The following EVI5L variants were observed in gnomAD, a reference collection of about 807,000 sequenced individuals.
EVI5L encodes the protein ecotropic viral integration site 5 like, also known as EVI5-like protein.
In EVI5L, 30 loss-of-function variants were observed where a neutral mutation model predicts 106.1. The observed-to-expected ratio is 0.28, with a 90% CI of 0.21 to 0.38. The LOEUF (loss-of-function observed/expected upper bound fraction) is 0.38, where lower values mean the gene tolerates loss of function less well. Among genes scored for constraint, EVI5L ranks in the 10% least tolerant of loss-of-function variants. EVI5L has a pLI of 1.00. For synonymous variants in EVI5L, 489 were observed against 483.3 expected, an observed-to-expected ratio of 1.01 and a Z score of -0.15; for missense variants, 809 against 1,098.0, an observed-to-expected ratio of 0.74 and a Z score of 3.72.
rs192577556 is a variant in EVI5L, at chr19:7,835,712, G to A, written c.-48+5331G>A. Among the ~76,000 whole-genome samples the A allele has an allele frequency of 3.3e-5, 5 of 152,270 alleles. No homozygotes were observed. In the East Asian group the frequency reaches 9.6e-4, roughly 29 times the overall value. On this transcript the variant is annotated intron_variant, in intron 1 of 19. Transcript: ENST00000538904. This position sits in a 1 kb window ranked among gnomAD's most constrained non-coding sequence, Gnocchi z 4.1. The stretch of plus-strand genomic sequence containing the variant: ...ATCAGGCAGGGACCTCTGAATTCAA[G>A]CCGCTGTTCTTGTTATCCAAGGGGC...
At chr19:7,842,401 AGT>A (rs147538933) in intron 1 of EVI5L, among the ~76,000 whole-genome samples, 31,333 of 72,612 alleles carry the variant, frequency 0.43, 3,942 homozygotes, top group South Asian at 0.54. Context: ...TGAGAATGTG[AGT>A]GTGTGTGTAT....
Position 7,858,660 on chromosome 19 carries a change from C to G in EVI5L, c.1374+329C>G. 2.9e-6 allele frequency: 1 copy of G among 348,316 alleles called. No homozygotes were observed. Among genetic ancestry groups the G allele is most frequent in the Non-Finnish European group, 5.3e-6 (1 of 189,678 alleles). The allele number at this position is 348,316 out of a possible 1,614,324, so 21.6% of individuals were successfully genotyped here. A position where few individuals can be genotyped will look rare whatever the true frequency, so the allele number is the denominator to read the frequency against. ...TCACAGGCAGCAGACAGGGCTGTGACTCCTTACGGAGGCTCTTGCCTGTCC... is the reference window on the plus strand; with the variant it reads ...TCACAGGCAGCAGACAGGGCTGTGAGTCCTTACGGAGGCTCTTGCCTGTCC... On this transcript the variant is annotated intron_variant, in intron 13 of 19. Coordinates refer to ENST00000538904, the MANE Select transcript of EVI5L (RefSeq NM_001159944.3). The surrounding 1 kb of genome is among the most constrained non-coding windows in gnomAD (Gnocchi z 5.7).
chr19:7,849,354 G>T (rs1268011477), intron 5 of EVI5L, 24 bp downstream of exon 5: 1 of 1,612,762 alleles, frequency 6.2e-7, no homozygotes. Context: ...GGGTGGCTGG[G>T]CTCCTGCCAG....
intron 14 of EVI5L, among the ~76,000 whole-genome samples, chr19:7,861,621 G>A (rs1979801900): frequency 6.6e-6 from 1 of 152,182 alleles, no homozygotes; most frequent in African/African-American, 2.4e-5. Flanking sequence ...TGTGTGCAGC[G>A]CGGCGTTTAT....
Position 7,858,120 on chromosome 19 carries a change from C to G in EVI5L, c.1234-71C>G. On this transcript the variant is annotated intron_variant, in intron 12 of 19. Coordinates refer to ENST00000538904, the MANE Select transcript of EVI5L (RefSeq NM_001159944.3). The surrounding 1 kb of genome is among the most constrained non-coding windows in gnomAD (Gnocchi z 5.7). ...CCACTCTCTGGGCCTCCCCCTGTGG[C>G]GGGAGGCAGGGCCTTGGGTGGGAGC... 2 of 1,507,834 alleles carry G rather than the reference C, an allele frequency of 1.3e-6. No homozygotes were observed. Among genetic ancestry groups the G allele is most frequent in the Non-Finnish European group, 8.9e-7 (1 of 1,122,300 alleles). 93.4% of individuals were successfully genotyped at this position (1,507,834 alleles called of 1,614,324 possible).
chr19:7,853,017 G>A lies in EVI5L; in HGVS notation c.988-69G>A, dbSNP rs1864728923. 1.9e-6 allele frequency: 3 copies of A among 1,548,556 alleles called. No homozygotes were observed. In the Admixed American group the frequency reaches 5.0e-5, roughly 26 times the overall value. ...GTTCCTGCCCCCCTCCAGGGCAACA[G>A]GGCTCGGGCGGCCCCCGGTGGTCAG... On this transcript the variant is annotated intron_variant, in intron 8 of 19. Coordinates refer to ENST00000538904, the MANE Select transcript of EVI5L (RefSeq NM_001159944.3).
In EVI5L at chr19:7,835,172, A is replaced by T. The variant is rs186319041; in HGVS notation, c.-48+4791A>T. Among the ~76,000 whole-genome samples the T allele has an allele frequency of 5.1e-4, 78 of 151,894 alleles. No individual in the cohort carries two copies. Among genetic ancestry groups the T allele is most frequent in the Non-Finnish European group, 9.0e-4 (61 of 67,968 alleles). Reference sequence around the variant, plus strand: ...ATAAAAATAAAAATAAACAAAAAAAATTGAGGCAAAATACATCATACCCAA... The same window carrying T: ...ATAAAAATAAAAATAAACAAAAAAATTTGAGGCAAAATACATCATACCCAA... On this transcript the variant is annotated intron_variant, in intron 1 of 19. Coordinates refer to ENST00000538904, the MANE Select transcript of EVI5L (RefSeq NM_001159944.3). This position sits in a 1 kb window ranked among gnomAD's most constrained non-coding sequence, Gnocchi z 4.1.
chr19:7,851,427 C>A lies in EVI5L; in HGVS notation c.754-7C>A. The A allele has an allele frequency of 6.2e-7, 1 of 1,608,406 alleles. No homozygotes were observed. The highest frequency in any genetic ancestry group is 8.5e-7 in the Non-Finnish European group (1 of 1,177,294). On this transcript the variant is annotated splice_polypyrimidine_tract_variant and splice_region_variant and intron_variant, in intron 6 of 19. Coordinates refer to ENST00000538904, the MANE Select transcript of EVI5L (RefSeq NM_001159944.3). ...CACTGTGCCCACCCGGCCTCCCACC[C>A]CTGCAGGAGCAGCTCCCAGACCTCA...
intron 2 of EVI5L, 121 bp from the exon 3 acceptor site, chr19:7,847,609 CAA>C: frequency 2.1e-6 from 2 of 933,124 alleles, no homozygotes; most frequent in Non-Finnish European, 3.2e-6. Flanking sequence ...AAAAAAAGAA[CAA>C]GAGGGACCTA....
In EVI5L at chr19:7,863,097, G is replaced by A. The variant is rs1979928750; in HGVS notation, c.2043+30G>A. ...TCGGCGGGGCCGGGGTCGGGGGGCG[G>A]GGGCGGGGGCAGGGCCCGGGGCAGG... On this transcript the variant is annotated intron_variant, in intron 18 of 19. Coordinates refer to ENST00000538904, the MANE Select transcript of EVI5L (RefSeq NM_001159944.3). This position sits in a 1 kb window ranked among gnomAD's most constrained non-coding sequence, Gnocchi z 7.7. 3 of 724,656 alleles carry A rather than the reference G, an allele frequency of 4.1e-6. No individual in the cohort carries two copies. The highest frequency in any genetic ancestry group is 7.3e-6 in the Non-Finnish European group (3 of 410,610). 44.9% of individuals were successfully genotyped at this position (724,656 alleles called of 1,614,324 possible). A position where few individuals can be genotyped will look rare whatever the true frequency, so the allele number is the denominator to read the frequency against.
intron 4 of EVI5L, 31 bp from the exon 5 acceptor site, chr19:7,849,225 G>A (rs1979114962): frequency 1.9e-6 from 3 of 1,613,902 alleles, no homozygotes; most frequent in African/African-American, 1.3e-5. Flanking sequence ...TGGACGGCGG[G>A]ACCCTGCTCT....
intron 1 of EVI5L, among the ~76,000 whole-genome samples, chr19:7,843,724 A>G (rs1599565241): frequency 1.3e-5 from 2 of 151,790 alleles, no homozygotes; most frequent in African/African-American, 4.8e-5. Context: ...AAGTGTTTGC[A>G]TGTGTATGTG....
In EVI5L at chr19:7,845,664, C is replaced by T. The variant is rs1978918838; in HGVS notation, c.-47-832C>T. On this transcript the variant is annotated intron_variant, in intron 1 of 19. Coordinates refer to ENST00000538904, the MANE Select transcript of EVI5L (RefSeq NM_001159944.3). This position sits in a 1 kb window ranked among gnomAD's most constrained non-coding sequence, Gnocchi z 4.0. ...CTTCAGACGCAGATCCATTTGAGCCCAGTACCTTTGTTTTTGACATGGCAT... is the reference window on the plus strand; with the variant it reads ...CTTCAGACGCAGATCCATTTGAGCCTAGTACCTTTGTTTTTGACATGGCAT... Among the ~76,000 whole-genome samples, 2 of 152,234 alleles carry T rather than the reference C, an allele frequency of 1.3e-5. No homozygotes were observed. Among genetic ancestry groups the T allele is most frequent in the South Asian group, 4.1e-4 (2 of 4,832 alleles).
In EVI5L at chr19:7,857,349, G is replaced by T; in HGVS notation, c.1233+225G>T. On this transcript the variant is annotated intron_variant, in intron 12 of 19. Transcript: ENST00000538904. The surrounding 1 kb of genome is among the most constrained non-coding windows in gnomAD (Gnocchi z 4.5). Reference sequence around the variant, plus strand: ...TGTGGAGGGGCTGTGAGTGCGTTTGGGTGTGAATGTCCACATGCATGTACA... The same window carrying T: ...TGTGGAGGGGCTGTGAGTGCGTTTGTGTGTGAATGTCCACATGCATGTACA... 2 of 624,412 alleles carry T rather than the reference G, an allele frequency of 3.2e-6. No individual in the cohort carries two copies. Among genetic ancestry groups the T allele is most frequent in the Admixed American group, 5.4e-5 (2 of 37,130 alleles). The allele number at this position is 624,412 out of a possible 1,614,324, so 38.7% of individuals were successfully genotyped here. A position where few individuals can be genotyped will look rare whatever the true frequency, so the allele number is the denominator to read the frequency against.
chr19:7,862,736 GACCACCCCCCCCCGCGGTCCCGC>G (rs1979892302), intron 17 of EVI5L, among the ~76,000 whole-genome samples: 1 of 47,946 alleles, frequency 2.1e-5, no homozygotes, highest in African/African-American at 7.1e-5. Context: ...CCCGCCTCCT[GACCACCCCCCCCCGCGGTCCCGC>G]CTCCTGATCC....
chr19:7,864,030 C>A lies in EVI5L; in HGVS notation c.*328C>A. 3.2e-6 allele frequency: 1 copy of A among 312,474 alleles called. No homozygotes were observed. Among genetic ancestry groups the A allele is most frequent in the Non-Finnish European group, 5.9e-6 (1 of 170,868 alleles). The allele number at this position is 312,474 out of a possible 1,614,324, so 19.4% of individuals were successfully genotyped here. A position where few individuals can be genotyped will look rare whatever the true frequency, so the allele number is the denominator to read the frequency against. On this transcript the variant is annotated 3_prime_UTR_variant, in exon 20 of 20. Transcript: ENST00000538904. The surrounding 1 kb of genome is among the most constrained non-coding windows in gnomAD (Gnocchi z 4.5). Reference sequence around the variant, plus strand: ...GGCAGGGGACAGACGACCCAGAGGTCCCAGCACTGAATGAGCAGGCAGCTC... The same window carrying A: ...GGCAGGGGACAGACGACCCAGAGGTACCAGCACTGAATGAGCAGGCAGCTC...
At position 7,845,218 on chromosome 19, in the gene EVI5L, G is replaced by T. The variant is rs757883548; in HGVS notation, c.-47-1278G>T. Among the ~76,000 whole-genome samples, 1 of 152,120 alleles carries T rather than the reference G, an allele frequency of 6.6e-6. No homozygotes were observed. Among genetic ancestry groups the T allele is most frequent in the African/African-American group, 2.4e-5 (1 of 41,412 alleles). The stretch of plus-strand genomic sequence containing the variant: ...GCATGAGGAGCCGTGCAAATAAGGA[G>T]GCAGGAGGCAGGGTTTCCTTCCTGC... On this transcript the variant is annotated intron_variant, in intron 1 of 19. Transcript: ENST00000538904. The surrounding 1 kb of genome is among the most constrained non-coding windows in gnomAD (Gnocchi z 4.0).
Position 7,863,874 on chromosome 19 carries a change from C to A in EVI5L, c.*172C>A. 1.2e-6 allele frequency: 1 copy of A among 868,220 alleles called. No homozygotes were observed. The highest frequency in any genetic ancestry group is 1.7e-6 in the Non-Finnish European group (1 of 605,990). The allele number at this position is 868,220 out of a possible 1,614,324, so 53.8% of individuals were successfully genotyped here. A position where few individuals can be genotyped will look rare whatever the true frequency, so the allele number is the denominator to read the frequency against. On this transcript the variant is annotated 3_prime_UTR_variant, in exon 20 of 20. Coordinates refer to ENST00000538904, the MANE Select transcript of EVI5L (RefSeq NM_001159944.3). The surrounding 1 kb of genome is among the most constrained non-coding windows in gnomAD (Gnocchi z 7.7). ...CGCAGAGGGTAGGGTCCGACCTGGGCTCCTCAGGGCCCCGGGGCAGGCTCT... is the reference window on the plus strand; with the variant it reads ...CGCAGAGGGTAGGGTCCGACCTGGGATCCTCAGGGCCCCGGGGCAGGCTCT...
Position 7,856,939 on chromosome 19 carries a change from C to T in EVI5L, c.1201-153C>T. The T allele has an allele frequency of 1.2e-6, 1 of 806,666 alleles. No individual in the cohort carries two copies. The highest frequency in any genetic ancestry group is 2.1e-6 in the Non-Finnish European group (1 of 476,936). 50.0% of individuals were successfully genotyped at this position (806,666 alleles called of 1,614,324 possible). A position where few individuals can be genotyped will look rare whatever the true frequency, so the allele number is the denominator to read the frequency against. Reference sequence around the variant, plus strand: ...TGGTCTTCCTCCGGGTCCTCTCCTGCTGGTTCTCTGGTCTTCCCTCCTCTC... The same window carrying T: ...TGGTCTTCCTCCGGGTCCTCTCCTGTTGGTTCTCTGGTCTTCCCTCCTCTC... On this transcript the variant is annotated intron_variant, in intron 11 of 19. Transcript: ENST00000538904. The surrounding 1 kb of genome is among the most constrained non-coding windows in gnomAD (Gnocchi z 6.6).
Sources: gnomAD v4.1 joint callset for allele counts (sites outside exome capture counted in the v4.1 genomes callset) on GRCh38, gnomAD v4.1.1 for gene constraint, Gnocchi (gnomAD v3.1) non-coding constraint, MANE v1.5 for transcripts, NCBI Gene and HGNC (gene_info 2026-07-23, HGNC 2026-07-21) for gene names.